The following FAF1 variants were observed in gnomAD, a reference collection of about 807,000 sequenced individuals.
FAF1 encodes Fas associated factor 1.
FAF1 carries 25 observed loss-of-function variants against 92.5 expected under a neutral mutation model. The observed-to-expected ratio is 0.27, with a 90% confidence interval of 0.20 to 0.38. FAF1 has a LOEUF of 0.38. Ranked by LOEUF, FAF1 falls within the 10% of genes least tolerant of loss-of-function variation. The pLI, the probability that FAF1 is intolerant of heterozygous loss-of-function variation, is 1.00. For synonymous variants in FAF1, 234 were observed against 273.2 expected (o/e 0.86, Z 1.42); for missense variants, 636 against 793.3 (o/e 0.80, Z 2.38).
chr1:50,627,094 A>C (rs1653537903), intron 8 of FAF1, among the ~76,000 whole-genome samples: 1 of 152,132 alleles, frequency 6.6e-6, no homozygotes, highest in South Asian at 2.1e-4. Flanking sequence ...GGGACCTCTA[A>C]GTGAAGATGA....
intron 8 of FAF1, among the ~76,000 whole-genome samples, chr1:50,652,438 T>C (rs1196155402): frequency 1.3e-5 from 2 of 152,232 alleles, no homozygotes; most frequent in East Asian, 1.9e-4. Context: ...CCTATCATTC[T>C]TGGAACTTGT....
At chr1:50,601,940 C>G (rs1652156267) in intron 8 of FAF1, among the ~76,000 whole-genome samples, 2 of 151,982 alleles carry the variant, frequency 1.3e-5, no homozygotes, top group Admixed American at 6.6e-5. Context: ...GTATTGGAAG[C>G]TATAAAACCT....
At chr1:50,645,833 A>G (rs199980383) in intron 8 of FAF1, among the ~76,000 whole-genome samples, 17 of 125,232 alleles carry the variant, frequency 1.4e-4, no homozygotes, top group Non-Finnish European at 5.1e-5. Flanking sequence ...GTCTAAAAAA[A>G]GAAAAAAAAA....
intron 13 of FAF1, among the ~76,000 whole-genome samples, chr1:50,543,496 T>A (rs187128165): frequency 6.6e-6 from 1 of 152,310 alleles, no homozygotes; most frequent in Admixed American, 6.5e-5. Flanking sequence ...ACACTTACCT[T>A]TAAAACACTT....
intron 1 of FAF1, among the ~76,000 whole-genome samples, chr1:50,871,726 T>C (rs545700555): frequency 1.2e-4 from 19 of 152,220 alleles, no homozygotes; most frequent in Admixed American, 1.2e-3. Context: ...GATAGAGATG[T>C]ACAAAGAGAT....
At chr1:50,942,469 G>C (rs529802870) in intron 1 of FAF1, among the ~76,000 whole-genome samples, 81 of 152,244 alleles carry the variant, frequency 5.3e-4, no homozygotes, top group African/African-American at 1.9e-3. Context: ...GAGGGAAAGG[G>C]AGGGGAAAGG....
At chr1:50,650,284 CAAAA>C (rs1213490969) in intron 8 of FAF1, among the ~76,000 whole-genome samples, 2 of 84,228 alleles carry the variant, frequency 2.4e-5, no homozygotes, top group African/African-American at 4.5e-5. Context: ...AACTCTGTCT[CAAAA>C]AAAAAAAAAA....
At chr1:50,905,355 G>C (rs1644828197) in intron 1 of FAF1, among the ~76,000 whole-genome samples, 1 of 152,186 alleles carries the variant, frequency 6.6e-6, no homozygotes, top group African/African-American at 2.4e-5. Context: ...ATGTGTGCAT[G>C]TGTCTTTAAA....
chr1:50,776,647 TAATA>T (rs956833768), intron 4 of FAF1, among the ~76,000 whole-genome samples: 13 of 152,068 alleles, frequency 8.5e-5, no homozygotes, highest in African/African-American at 3.1e-4. Context: ...AAAATTTATT[TAATA>T]TATAATTGCA....
At chr1:50,748,907 C>A (rs1659736281) in intron 4 of FAF1, among the ~76,000 whole-genome samples, 1 of 152,288 alleles carries the variant, frequency 6.6e-6, no homozygotes, top group African/African-American at 2.4e-5. Context: ...AACACAACTA[C>A]CTAAGTAAGC....
chr1:50,462,796 C>A (rs1281684746), intron 18 of FAF1, among the ~76,000 whole-genome samples: 3 of 152,090 alleles, frequency 2.0e-5, no homozygotes, highest in Non-Finnish European at 4.4e-5. Context: ...ACTTTTATAC[C>A]CTTTGCTACA....
chr1:50,861,267 T>C (rs1205609789), intron 1 of FAF1, among the ~76,000 whole-genome samples: 2 of 151,850 alleles, frequency 1.3e-5, no homozygotes, highest in African/African-American at 2.4e-5. Context: ...GAGACTGCTA[T>C]GGATTGAATA....
intron 13 of FAF1, among the ~76,000 whole-genome samples, chr1:50,563,690 A>C (rs1650037045): frequency 6.6e-6 from 1 of 152,228 alleles, no homozygotes; most frequent in African/African-American, 2.4e-5. Flanking sequence ...TGCCTTGTTT[A>C]CTGAAACCAA....
At chr1:50,951,226 CCT>C (rs546779662) in intron 1 of FAF1, among the ~76,000 whole-genome samples, 2 of 152,242 alleles carry the variant, frequency 1.3e-5, no homozygotes, top group South Asian at 4.1e-4. Flanking sequence ...CGAATGAGAC[CCT>C]GTCTCAAACG....
At chr1:50,773,580 G>A (rs1660846389) in intron 4 of FAF1, among the ~76,000 whole-genome samples, 1 of 152,152 alleles carries the variant, frequency 6.6e-6, no homozygotes, top group South Asian at 2.1e-4. Flanking sequence ...GGCACAGAAA[G>A]ACAAATATCA....
At chr1:50,678,286 A>AG (rs1290404727) in intron 7 of FAF1, among the ~76,000 whole-genome samples, 15 of 152,194 alleles carry the variant, frequency 9.9e-5, no homozygotes, top group African/African-American at 3.1e-4. Context: ...GGATAGTTCA[A>AG]GGGGGGTGGG....
At chr1:50,890,873 G>T (rs547829168) in intron 1 of FAF1, among the ~76,000 whole-genome samples, 1 of 152,074 alleles carries the variant, frequency 6.6e-6, no homozygotes, top group East Asian at 1.9e-4. Context: ...TCTTTGTGAC[G>T]TTCTCTGTAT....
intron 1 of FAF1, among the ~76,000 whole-genome samples, chr1:50,952,525 G>A (rs1411600017): frequency 1.3e-5 from 2 of 152,186 alleles, no homozygotes; most frequent in Admixed American, 6.5e-5. Context: ...CTGCCTGGCC[G>A]CCACTCCATC....
intron 7 of FAF1, among the ~76,000 whole-genome samples, chr1:50,687,836 A>C (rs1485413105): frequency 6.6e-6 from 1 of 151,892 alleles, no homozygotes; most frequent in Non-Finnish European, 1.5e-5. Context: ...CCTCCATTAG[A>C]ATGGCTATTC....
Sources: allele counts gnomAD v4.1 joint callset (sites outside exome capture counted in the v4.1 genomes callset), GRCh38; gene constraint gnomAD v4.1.1; transcripts MANE v1.5; gene names NCBI Gene and HGNC (gene_info 2026-07-23, HGNC 2026-07-21).